PHACTR3: variants seen among roughly 807,000 people sequenced by gnomAD.
The protein encoded by PHACTR3 is phosphatase and actin regulator 3.
PHACTR3 carries 16 observed loss-of-function variants against 66.8 expected under a neutral mutation model. The observed-to-expected ratio is 0.24, with a 90% CI of 0.16 to 0.36. The LOEUF (loss-of-function observed/expected upper bound fraction) is 0.36. PHACTR3 is among the 10% of genes least tolerant of loss of function. The pLI, the probability that PHACTR3 is intolerant of heterozygous loss-of-function variation, is 1.00. For synonymous variants in PHACTR3, 323 were observed against 292.1 expected (o/e 1.11, Z -1.08); for missense variants, 647 against 719.9 (o/e 0.90, Z 1.16).
intron 1 of PHACTR3, among the ~76,000 whole-genome samples, chr20:59,659,370 C>CTTTTTTTTTT (rs757895372): frequency 1.1e-5 from 1 of 92,786 alleles, no homozygotes; most frequent in African/African-American, 4.4e-5. Context: ...GGGTCTGGGA[C>CTTTTTTTTTT]TTTTTTTTTT....
At chr20:59,808,378 G>A (rs1024825886) in intron 8 of PHACTR3, among the ~76,000 whole-genome samples, 7 of 152,220 alleles carry the variant, frequency 4.6e-5, no homozygotes, top group East Asian at 1.9e-4. Flanking sequence ...GCAGGCTAAC[G>A]TGTCTCGTGT....
rs150940173 is a variant in PHACTR3 at position 59,711,766 on chromosome 20, G to A, written c.119-31341G>A. The stretch of plus-strand genomic sequence containing the variant: ...TTTCACGCCATTGTAAAGTTGAAAA[G>A]TGTTATGTAGAACCATCGTAAGTCA... On this transcript the variant is annotated intron_variant, in intron 1 of 12. Coordinates refer to ENST00000371015, the MANE Select transcript of PHACTR3 (RefSeq NM_080672.5). 3.3e-3 allele frequency among the ~76,000 whole-genome samples: 495 copies of A among 152,266 alleles called. 2 individuals are homozygous for A. The highest frequency in any genetic ancestry group is 0.011 in the African/African-American group (464 of 41,566).
chr20:59,670,457 C>T lies in PHACTR3; in HGVS notation c.118+65325C>T, dbSNP rs898193576. Among the ~76,000 whole-genome samples, 15 of 152,286 alleles carry T rather than the reference C, an allele frequency of 9.8e-5. No individual in the cohort carries two copies. The East Asian group carries it at 1.2e-3, about 12-fold the overall frequency. On this transcript the variant is annotated intron_variant, in intron 1 of 12. Coordinates refer to ENST00000371015, the MANE Select transcript of PHACTR3 (RefSeq NM_080672.5). The stretch of plus-strand genomic sequence containing the variant: ...CTGACTTGGCCTCACAGGGTGCAGT[C>T]GTCCCCTGCCCTGGACAAGCTCATG...
intron 1 of PHACTR3, among the ~76,000 whole-genome samples, chr20:59,650,180 T>C (rs777509850): frequency 6.6e-6 from 1 of 152,164 alleles, no homozygotes; most frequent in African/African-American, 2.4e-5. Context: ...AACTATAAAT[T>C]CAAAAATTCA....
chr20:59,588,988 CT>C, intron 1 of PHACTR3, among the ~76,000 whole-genome samples: 1 of 152,332 alleles, frequency 6.6e-6, no homozygotes, highest in East Asian at 1.9e-4. Flanking sequence ...TCACTTCCAG[CT>C]GCTGATGGCC....
At chr20:59,785,236 T>C (rs1227712316) in intron 7 of PHACTR3, among the ~76,000 whole-genome samples, 1 of 152,194 alleles carries the variant, frequency 6.6e-6, no homozygotes, top group Non-Finnish European at 1.5e-5. Context: ...TGTGTCTTTA[T>C]AGGGCCGTTC....
At chr20:59,629,454 ACT>A (rs1337230000) in intron 1 of PHACTR3, among the ~76,000 whole-genome samples, 3 of 151,750 alleles carry the variant, frequency 2.0e-5, no homozygotes, top group Non-Finnish European at 4.4e-5. Flanking sequence ...GCAGAAACCT[ACT>A]CTCTCGCAGT....
intron 4 of PHACTR3, among the ~76,000 whole-genome samples, chr20:59,759,657 G>A (rs140111924): frequency 6.6e-5 from 10 of 152,258 alleles, no homozygotes; most frequent in South Asian, 2.1e-4. Flanking sequence ...CTAGGTCTCC[G>A]GTTTCTACTG....
intron 7 of PHACTR3, among the ~76,000 whole-genome samples, chr20:59,796,088 G>A (rs892135962): frequency 2.6e-5 from 4 of 151,966 alleles, no homozygotes; most frequent in Admixed American, 1.3e-4. Flanking sequence ...GTTTTCTGTA[G>A]TGCAAAGCTT....
chr20:59,714,254 A>G (rs1332743142), intron 1 of PHACTR3, among the ~76,000 whole-genome samples: 1 of 152,014 alleles, frequency 6.6e-6, no homozygotes. Context: ...TCCTTTTTGT[A>G]TCTTATGTAA....
At chr20:59,623,774 G>A (rs2034350633) in intron 1 of PHACTR3, among the ~76,000 whole-genome samples, 1 of 152,202 alleles carries the variant, frequency 6.6e-6, no homozygotes, top group Admixed American at 6.5e-5. Flanking sequence ...TGGGCTGAAC[G>A]GCTGGTGCGT....
chr20:59,773,526 C>T, intron 6 of PHACTR3, 73 bp downstream of exon 6: 1 of 1,445,008 alleles, frequency 6.9e-7, no homozygotes, highest in South Asian at 1.4e-5. Context: ...CTGTGCAGCT[C>T]ATGCCACGCC....
intron 1 of PHACTR3, among the ~76,000 whole-genome samples, chr20:59,680,414 C>T (rs1481058628): frequency 6.6e-6 from 1 of 152,128 alleles, no homozygotes; most frequent in East Asian, 1.9e-4. Flanking sequence ...GCAGGCTGGA[C>T]AACATATCCA....
intron 5 of PHACTR3, among the ~76,000 whole-genome samples, chr20:59,768,675 G>A (rs2040264157): frequency 6.6e-6 from 1 of 152,238 alleles, no homozygotes; most frequent in Non-Finnish European, 1.5e-5. Context: ...CATGAGCTCG[G>A]GAGGGCTGGG....
chr20:59,639,605 AT>A (rs2035028603), intron 1 of PHACTR3, among the ~76,000 whole-genome samples: 1 of 152,152 alleles, frequency 6.6e-6, no homozygotes, highest in South Asian at 2.1e-4. Context: ...CACAAAGATT[AT>A]TGGTATTGAG....
At chr20:59,776,804 A>T (rs1345710323) in intron 7 of PHACTR3, among the ~76,000 whole-genome samples, 1 of 121,246 alleles carries the variant, frequency 8.2e-6, no homozygotes. Context: ...TGGAGACGGC[A>T]TCAAAGCACA....
intron 1 of PHACTR3, among the ~76,000 whole-genome samples, chr20:59,720,254 G>T (rs1335502115): frequency 6.6e-6 from 1 of 152,166 alleles, no homozygotes; most frequent in African/African-American, 2.4e-5. Flanking sequence ...CATCTCACAG[G>T]GTGGTCTGCT....
intron 1 of PHACTR3, among the ~76,000 whole-genome samples, chr20:59,622,134 G>A (rs532878450): frequency 6.6e-6 from 1 of 151,268 alleles, no homozygotes; most frequent in Non-Finnish European, 1.5e-5. Context: ...GCACGTGTGG[G>A]TACTTCCCCT....
chr20:59,671,189 T>C (rs1296553909), intron 1 of PHACTR3, among the ~76,000 whole-genome samples: 3 of 152,322 alleles, frequency 2.0e-5, no homozygotes, highest in South Asian at 2.1e-4. Flanking sequence ...TCCAGAATAT[T>C]TGGCCTTCCT....
Sources: allele counts gnomAD v4.1 joint callset (sites outside exome capture counted in the v4.1 genomes callset), GRCh38; gene constraint gnomAD v4.1.1; transcripts MANE v1.5; gene names NCBI Gene and HGNC (gene_info 2026-07-23, HGNC 2026-07-21).